The following AFG3L2 variants were observed in gnomAD, a reference collection of about 807,000 sequenced individuals.
AFG3L2 encodes AFG3 like matrix AAA peptidase subunit 2.
A neutral mutation model predicts 94.5 loss-of-function variants in AFG3L2; 54 were observed. That is an observed-to-expected ratio of 0.57 (90% CI 0.46 to 0.72). The LOEUF (loss-of-function observed/expected upper bound fraction) is 0.72. AFG3L2 is among the 30% of genes least tolerant of loss of function. The pLI is 0.00. For missense variants in AFG3L2, 754 were observed against 994.9 expected (o/e 0.76, Z 3.26); for synonymous variants, 377 against 365.5 (o/e 1.03, Z -0.36).
intron 4 of AFG3L2, 25 bp from the exon 5 acceptor site, chr18:12,367,142 T>C (rs1908831528): frequency 5.0e-6 from 8 of 1,614,160 alleles, no homozygotes; most frequent in South Asian, 2.2e-5. Flanking sequence ...AGACAGCTTC[T>C]GTGAAGAATG....
rs745569812 is a variant in AFG3L2 at position 12,340,339 on chromosome 18, G to T, written c.1842C>A (p.Tyr614Ter). The T allele has an allele frequency of 6.2e-7, 1 of 1,614,104 alleles. No individual in the cohort carries two copies. Among genetic ancestry groups the T allele is most frequent in the East Asian group, 2.2e-5 (1 of 44,874 alleles). ...CCAAGAGCTGCTCTTTGGTATAGAGGTATTGTTCTTTTGGTAAATACTGAG... is the reference window on the plus strand; with the variant it reads ...CCAAGAGCTGCTCTTTGGTATAGAGTTATTGTTCTTTTGGTAAATACTGAG... ...GYAQYLPKEQYLYTKEQLLDR... is the reference protein window; with the variant it reads ...GYAQYLPKEQ Residue 614 changes from tyrosine (Y) to a stop codon, truncating the protein, a stop_gained, in exon 15 of 17, where the codon TAC (tyrosine) becomes TAA (stop). Transcript: ENST00000269143. LOFTEE classifies it high-confidence loss of function.
In AFG3L2 at chr18:12,363,382, A is replaced by C. The variant is rs180686968; in HGVS notation, c.627+400T>G. ...TATAATATCACAAAATGGTTGGGAG[A>C]TGGTGGGGATGCTTTTAAACTAATT... is the stretch of plus-strand genomic sequence containing the variant. On this transcript the variant is annotated intron_variant, in intron 6 of 16. Coordinates refer to ENST00000269143, the MANE Select transcript of AFG3L2 (RefSeq NM_006796.3). Among the ~76,000 whole-genome samples the C allele has an allele frequency of 1.1e-3, 161 of 152,302 alleles. 1 individual carries two copies. Among genetic ancestry groups the C allele is most frequent in the Middle Eastern group, 3.4e-3 (1 of 294 alleles).
intron 6 of AFG3L2, 125 bp from the exon 7 acceptor site, chr18:12,360,176 A>T (rs1370811784): frequency 2.2e-6 from 2 of 930,070 alleles, no homozygotes; most frequent in Non-Finnish European, 3.2e-6. Context: ...AAGAATAAAC[A>T]ATAATAAAAG....
At position 12,369,799 on chromosome 18, in the gene AFG3L2, G is replaced by A. The variant is rs544682279; in HGVS notation, c.292+1050C>T. 1.9e-3 allele frequency among the ~76,000 whole-genome samples: 290 copies of A among 151,942 alleles called. 1 individual carries two copies. Among genetic ancestry groups the A allele is most frequent in the African/African-American group, 6.7e-3 (276 of 41,430 alleles). On this transcript the variant is annotated intron_variant, in intron 3 of 16. Transcript: ENST00000269143. ...GGGCCGGGCATGGTGGCTCACGCCTGTAATCCCAGCACTTTGGGAGGCCGA... is the reference window on the plus strand; with the variant it reads ...GGGCCGGGCATGGTGGCTCACGCCTATAATCCCAGCACTTTGGGAGGCCGA...
chr18:12,364,460 T>C (rs1908749224), intron 5 of AFG3L2, among the ~76,000 whole-genome samples: 2 of 152,214 alleles, frequency 1.3e-5, no homozygotes, highest in South Asian at 4.1e-4. Context: ...TACATACCTT[T>C]GACTTTACTA....
intron 7 of AFG3L2, among the ~76,000 whole-genome samples, chr18:12,359,720 C>T (rs551933169): frequency 1.3e-4 from 20 of 151,600 alleles, no homozygotes; most frequent in Middle Eastern, 3.4e-3. Context: ...ACAGCCTGGG[C>T]GACAGAGCGA....
At chr18:12,359,817 G>T in intron 7 of AFG3L2, 110 bp downstream of exon 7, 1 of 1,427,714 alleles carries the variant, frequency 7.0e-7, no homozygotes, top group South Asian at 1.2e-5. Flanking sequence ...TGGCCAAACT[G>T]ATAAAGGCCT....
intron 16 of AFG3L2, among the ~76,000 whole-genome samples, chr18:12,330,455 A>T (rs551828827): frequency 1.3e-5 from 2 of 152,128 alleles, no homozygotes; most frequent in African/African-American, 4.8e-5. Flanking sequence ...TTCTGAGGTG[A>T]TAAGAATGTA....
intron 1 of AFG3L2, among the ~76,000 whole-genome samples, chr18:12,372,400 A>C (rs1760094453): frequency 6.6e-6 from 1 of 152,230 alleles, no homozygotes; most frequent in African/African-American, 2.4e-5. Flanking sequence ...AGTATGGGTG[A>C]GGATGTGAGA....
intron 6 of AFG3L2, 83 bp downstream of exon 6, chr18:12,363,699 G>A: frequency 9.1e-7 from 1 of 1,098,722 alleles, no homozygotes; most frequent in South Asian, 1.2e-5. Context: ...AACTCCTAGA[G>A]TATGAGGCAG....
At chr18:12,375,721 A>G (rs1305860249) in intron 1 of AFG3L2, among the ~76,000 whole-genome samples, 2 of 152,042 alleles carry the variant, frequency 1.3e-5, no homozygotes, top group South Asian at 2.1e-4. Context: ...AATTTTTTGT[A>G]TTTTTAGTAG....
Position 12,337,514 on chromosome 18 carries a change from C to T in AFG3L2, c.2002G>A (p.Glu668Lys). 1 of 1,614,224 alleles carries T rather than the reference C, an allele frequency of 6.2e-7. No individual in the cohort carries two copies. The highest frequency in any genetic ancestry group is 8.5e-7 in the Non-Finnish European group (1 of 1,180,034). Residue 668 changes from glutamate to lysine, a missense_variant, in exon 16 of 17, where the codon GAA becomes AAA. Physicochemically the swap from Glu to Lys is moderately conservative, Grantham distance 56. Around this residue, in one of 4 missense-constraint regions of AFG3L2, gnomAD observed 279 missense variants for 378.6 expected, o/e 0.74. Transcript: ENST00000269143. ...YAQIVQFGMN[E>K]KVGQISFDLP... ...TCAAAGGAGATTTGCCCAACCTTTTCATTCATGCCAAACTGAACAATCTGA... is the reference window on the plus strand; with the variant it reads ...TCAAAGGAGATTTGCCCAACCTTTTTATTCATGCCAAACTGAACAATCTGA...
At position 12,351,145 on chromosome 18, in the gene AFG3L2, T is replaced by C. The variant is rs1476692585; in HGVS notation, c.1492A>G (p.Ser498Gly). The stretch of plus-strand genomic sequence containing the variant: ...GCCAATTTATCCTTCTCCAGGGTAC[T>C]GTCCAGTTTTAGCGGTCGGAGATGA... ...KVHLRPLKLD[S>G]TLEKDKLARK... The change falls in exon 12 of 17, where the codon AGT becomes GGT. Residue 498 changes from serine to glycine, a missense_variant. Coordinates refer to ENST00000269143, the MANE Select transcript of AFG3L2 (RefSeq NM_006796.3). 6 of 1,614,026 alleles carry C rather than the reference T, an allele frequency of 3.7e-6. No homozygotes were observed. Among genetic ancestry groups the C allele is most frequent in the South Asian group, 2.2e-5 (2 of 91,072 alleles).
intron 11 of AFG3L2, 45 bp from the exon 12 acceptor site, chr18:12,351,255 T>C (rs377761529): frequency 8.7e-6 from 14 of 1,613,922 alleles, no homozygotes; most frequent in Admixed American, 3.3e-5. Flanking sequence ...ATTGAAACAG[T>C]CACACCTACA....
In AFG3L2 at chr18:12,358,805, C is replaced by CT; in HGVS notation, c.890dup (p.Val298GlyfsTer5). 1 of 1,614,210 alleles carries CT rather than the reference C, an allele frequency of 6.2e-7. No individual in the cohort carries two copies. Among genetic ancestry groups the CT allele is most frequent in the Non-Finnish European group, 8.5e-7 (1 of 1,180,040 alleles). ...TCACATCAATTTCATCCTTTAAGAC[C>CT]TTGGCAGTGGTTTCTCCGACACTGA... is the stretch of plus-strand genomic sequence containing the variant. On this transcript the variant is annotated frameshift_variant, in exon 8 of 17. Transcript: ENST00000269143. LOFTEE classifies it high-confidence loss of function.
intron 16 of AFG3L2, among the ~76,000 whole-genome samples, chr18:12,336,725 G>GT (rs1235512705): frequency 2.0e-5 from 3 of 152,058 alleles, no homozygotes; most frequent in African/African-American, 7.2e-5. Context: ...AATATTCAAA[G>GT]TTTTTTTTAA....
At chr18:12,345,582 AAAG>A (rs1568137264) in intron 13 of AFG3L2, among the ~76,000 whole-genome samples, 1 of 152,204 alleles carries the variant, frequency 6.6e-6, no homozygotes, top group Non-Finnish European at 1.5e-5. Context: ...CTGTAAAAGC[AAAG>A]AAGCCTTCTT....
At chr18:12,344,063 T>C (rs748693053) in intron 14 of AFG3L2, 69 bp downstream of exon 14, 1 of 1,360,916 alleles carries the variant, frequency 7.3e-7, no homozygotes. Context: ...GTAGCTTGCT[T>C]CTTGAGTGAC....
At chr18:12,337,071 T>C (rs1282559910) in intron 16 of AFG3L2, 1 of 604,100 alleles carries the variant, frequency 1.7e-6, no homozygotes, top group Admixed American at 2.9e-5. Flanking sequence ...AGTCCTGATT[T>C]GTTTACTTTG....
Sources: gnomAD v4.1 joint callset for allele counts (sites outside exome capture counted in the v4.1 genomes callset) on GRCh38, gnomAD v4.1.1 for gene constraint, gnomAD v4.1.1 regional missense constraint, MANE v1.5 for transcripts, NCBI Gene and HGNC (gene_info 2026-07-23, HGNC 2026-07-21) for gene names.